Variants in TBX6 observed in about 807,000 individuals in gnomAD.
The protein encoded by TBX6 is T-box transcription factor TBX6.
Under a neutral mutation model 42.3 loss-of-function variants are expected in TBX6, and 29 were observed. The ratio of observed to expected loss-of-function variants is 0.69; its 90% CI spans 0.51 to 0.93. The LOEUF is 0.93. Among genes scored for constraint, TBX6 ranks in the 40% least tolerant of loss-of-function variants. The pLI, the probability that TBX6 is intolerant of heterozygous loss-of-function variation, is 0.00. For missense variants in TBX6, 569 were observed against 603.3 expected, an observed-to-expected ratio of 0.94 and a Z score of 0.59; for synonymous variants, 249 against 245.1, an observed-to-expected ratio of 1.02 and a Z score of -0.15.
At chr16:30,090,218 C>A (rs945291543) in intron 3 of TBX6, among the ~76,000 whole-genome samples, 5 of 152,176 alleles carry the variant, frequency 3.3e-5, no homozygotes, top group Non-Finnish European at 7.3e-5. Flanking sequence ...AAAAAATATA[C>A]CCTGCCTGCA....
rs560756058 is a variant in TBX6, at chr16:30,088,759, C to T, written c.702G>A (p.Gly234=). The change falls in exon 5 of 9, where the codon GGG becomes GGA. Residue 234 remains glycine (G), a synonymous_variant. Coordinates refer to ENST00000395224, the MANE Select transcript of TBX6 (RefSeq NM_004608.4). The surrounding 1 kb of genome is among the most constrained non-coding windows in gnomAD (Gnocchi z 4.1). ...CGGGGAAGCGGAAGGAGGCCATGCC[C>T]CCCCAGTGCTGGCTGCAGAGCTGGG... ...RAAQLCSQHW[G]GMASFRFPET... 1.2e-6 allele frequency: 2 copies of T among 1,613,920 alleles called. No individual in the cohort carries two copies. The highest frequency in any genetic ancestry group is 1.7e-6 in the Non-Finnish European group (2 of 1,179,954).
Position 30,088,097 on chromosome 16 carries a change from C to A in TBX6, c.839+448G>T. The A allele has an allele frequency of 9.0e-6, 2 of 223,182 alleles. No individual in the cohort carries two copies. The highest frequency in any genetic ancestry group is 1.8e-5 in the Non-Finnish European group (2 of 108,796). 13.8% of individuals were successfully genotyped at this position (223,182 alleles called of 1,614,324 possible). A position where few individuals can be genotyped will look rare whatever the true frequency, so the allele number is the denominator to read the frequency against. ...GGGATTACAGGCGTTTGCCACCATG[C>A]CTGGCTAATTTTTGTATTTTTAGCA... On this transcript the variant is annotated intron_variant, in intron 6 of 8. Transcript: ENST00000395224. This position sits in a 1 kb window ranked among gnomAD's most constrained non-coding sequence, Gnocchi z 4.1.
At position 30,086,916 on chromosome 16, in the gene TBX6, AC is replaced by A; in HGVS notation, c.840-66del. The A allele has an allele frequency of 6.4e-7, 1 of 1,557,930 alleles. No individual in the cohort carries two copies. The highest frequency in any genetic ancestry group is 2.3e-5 in the East Asian group (1 of 42,584). ...GGCCATGGTGATGGTAACAGTACTTACCCGGTGCCAGGCATTTCACCCTCCC... is the reference window on the plus strand; with the variant it reads ...GGCCATGGTGATGGTAACAGTACTTACCGGTGCCAGGCATTTCACCCTCCC... On this transcript the variant is annotated intron_variant, in intron 6 of 8. Transcript: ENST00000395224. This position sits in a 1 kb window ranked among gnomAD's most constrained non-coding sequence, Gnocchi z 4.6.
Position 30,085,972 on chromosome 16 carries a change from CCCCT to C in TBX6, c.*249_*252del. 1 of 502,344 alleles carries C rather than the reference CCCCT, an allele frequency of 2.0e-6. No homozygotes were observed. The highest frequency in any genetic ancestry group is 3.5e-6 in the Non-Finnish European group (1 of 284,626). 31.1% of individuals were successfully genotyped at this position (502,344 alleles called of 1,614,324 possible). A position where few individuals can be genotyped will look rare whatever the true frequency, so the allele number is the denominator to read the frequency against. ...TGTGGCCCCATTTGGCCAGGCAGAG[CCCCT>C]TCCATTCACACGGAGGTGAGAGCCG... On this transcript the variant is annotated 3_prime_UTR_variant, in exon 9 of 9. Coordinates refer to ENST00000395224, the MANE Select transcript of TBX6 (RefSeq NM_004608.4).
Position 30,088,912 on chromosome 16 carries a change from C to A in TBX6, c.621+31G>T. On this transcript the variant is annotated intron_variant, in intron 4 of 8. Coordinates refer to ENST00000395224, the MANE Select transcript of TBX6 (RefSeq NM_004608.4). The surrounding 1 kb of genome is among the most constrained non-coding windows in gnomAD (Gnocchi z 4.1). ...TGGCCTCCCTTCCAGCACCCCCCAA[C>A]CCTATCCTGGAGTCCCAGCCTGGGC... is the stretch of plus-strand genomic sequence containing the variant. 6.2e-7 allele frequency: 1 copy of A among 1,603,430 alleles called. No individual in the cohort carries two copies.
chr16:30,087,011 T>C (rs2072644926), intron 6 of TBX6, 160 bp from the exon 7 acceptor site: 1 of 784,236 alleles, frequency 1.3e-6, no homozygotes, highest in Non-Finnish European at 2.0e-6. Flanking sequence ...GGCCAGAAAA[T>C]TAAATAACTA....
In TBX6 at chr16:30,086,035, C is replaced by G; in HGVS notation, c.*190G>C. The G allele has an allele frequency of 1.7e-6, 1 of 578,416 alleles. No homozygotes were observed. Among genetic ancestry groups the G allele is most frequent in the Non-Finnish European group, 3.0e-6 (1 of 337,748 alleles). 35.8% of individuals were successfully genotyped at this position (578,416 alleles called of 1,614,324 possible). ...AAGCCGGCCCCAGCTGGACTCCCAG[C>G]AGCCTTGGTTAGGCTTTGAAGCCAG... On this transcript the variant is annotated 3_prime_UTR_variant, in exon 9 of 9. Transcript: ENST00000395224. This position sits in a 1 kb window ranked among gnomAD's most constrained non-coding sequence, Gnocchi z 4.6.
rs149724027 is a variant in TBX6, at chr16:30,089,156, G to A, written c.408C>T (p.Arg136=). Reference sequence around the variant, plus strand: ...GAATCACATCCAGAAGAAACAAGTAGCGGGCCTCGGGGTCCAGGCCAGTGA... The same window carrying A: ...GAATCACATCCAGAAGAAACAAGTAACGGGCCTCGGGGTCCAGGCCAGTGA... The part of the protein sequence containing the change: ...VSVTGLDPEA[R]YLFLLDVIPV... The change falls in exon 4 of 9, where the codon CGC becomes CGT. Residue 136 remains arginine (R), a synonymous_variant. Transcript: ENST00000395224. The A allele has an allele frequency of 1.4e-3, 2,249 of 1,614,090 alleles. 3 individuals are homozygous for A. Among genetic ancestry groups the A allele is most frequent in the Non-Finnish European group, 1.8e-3 (2,134 of 1,180,020 alleles).
In TBX6 at chr16:30,086,644, G is replaced by A. The variant is rs768450306; in HGVS notation, c.965C>T (p.Ser322Leu). The change falls in exon 8 of 9, where the codon TCA (serine) becomes TTA (leucine). Residue 322 changes from serine to leucine, a missense_variant. Transcript: ENST00000395224. The surrounding 1 kb of genome is among the most constrained non-coding windows in gnomAD (Gnocchi z 4.6). Reference sequence around the variant, plus strand: ...GGGGGCTGGGGCCTGTTCTGGATCTGATTCACGAATGTCTCCACCCAGGGT... The same window carrying A: ...GGGGGCTGGGGCCTGTTCTGGATCTAATTCACGAATGTCTCCACCCAGGGT... Reference protein sequence around the residue: ...DSTLGGDIRESDPEQAPAPGE... With the variant: ...DSTLGGDIRELDPEQAPAPGE... 1.9e-6 allele frequency: 3 copies of A among 1,608,470 alleles called. No homozygotes were observed. The highest frequency in any genetic ancestry group is 2.5e-6 in the Non-Finnish European group (3 of 1,178,024).
At position 30,085,878 on chromosome 16, in the gene TBX6, T is replaced by A. The variant is rs924388139; in HGVS notation, c.*347A>T. ...CAGACTGGTGTGGCCTGCACCAGTG[T>A]GTGTGGGGGGGTGGGGATTGAGCCC... On this transcript the variant is annotated 3_prime_UTR_variant, in exon 9 of 9. Coordinates refer to ENST00000395224, the MANE Select transcript of TBX6 (RefSeq NM_004608.4). 2 of 321,358 alleles carry A rather than the reference T, an allele frequency of 6.2e-6. No homozygotes were observed. Among genetic ancestry groups the A allele is most frequent in the Non-Finnish European group, 1.2e-5 (2 of 173,128 alleles). The allele number at this position is 321,358 out of a possible 1,614,324, so 19.9% of individuals were successfully genotyped here.
At position 30,088,530 on chromosome 16, in the gene TBX6, A is replaced by G. The variant is rs774695435; in HGVS notation, c.839+15T>C. 9 of 1,614,124 alleles carry G rather than the reference A, an allele frequency of 5.6e-6. No homozygotes were observed. The highest frequency in any genetic ancestry group is 6.8e-6 in the Non-Finnish European group (8 of 1,180,052). On this transcript the variant is annotated intron_variant, in intron 6 of 8. Transcript: ENST00000395224. This position sits in a 1 kb window ranked among gnomAD's most constrained non-coding sequence, Gnocchi z 4.1. ...ATTTGTTGAATGCATGAACAAATGA[A>G]TGAACAACTCCCACCTCTTACAGTT...
In TBX6 at chr16:30,088,637, C is replaced by G. The variant is rs1331221797; in HGVS notation, c.769-22G>C. 10 of 1,614,002 alleles carry G rather than the reference C, an allele frequency of 6.2e-6. No homozygotes were observed. The highest frequency in any genetic ancestry group is 4.2e-6 in the Non-Finnish European group (5 of 1,180,044). ...TGATCTGGGGACACACATGCAGGGT[C>G]AAAGCAACTGCGGTCTGGGCAGGGG... is the stretch of plus-strand genomic sequence containing the variant. On this transcript the variant is annotated intron_variant, in intron 5 of 8. Transcript: ENST00000395224. The surrounding 1 kb of genome is among the most constrained non-coding windows in gnomAD (Gnocchi z 4.1).
Position 30,086,363 on chromosome 16 carries a change from G to T in TBX6, c.1173C>A (p.His391Gln), listed in dbSNP as rs763017972. The change falls in exon 9 of 9, where the codon CAC (histidine) becomes CAA (glutamine). Residue 391 changes from histidine (H) to glutamine (Q), a missense_variant. His to Gln is a conservative substitution (Grantham distance 24). This residue lies in a region of TBX6 where 245 missense variants were observed against 227.4 expected (regional missense o/e 1.08). Coordinates refer to ENST00000395224, the MANE Select transcript of TBX6 (RefSeq NM_004608.4). The surrounding 1 kb of genome is among the most constrained non-coding windows in gnomAD (Gnocchi z 4.6). ...PYSAAFLELPHGSGGSGYPAA... is the reference protein window; with the variant it reads ...PYSAAFLELPQGSGGSGYPAA... ...CTGGGTACCCGGAGCCCCCTGACCCGTGCGGCAGCTCCAGAAATGCAGCCG... is the reference window on the plus strand; with the variant it reads ...CTGGGTACCCGGAGCCCCCTGACCCTTGCGGCAGCTCCAGAAATGCAGCCG... 5.1e-6 allele frequency: 8 copies of T among 1,580,298 alleles called. 1 individual carries two copies. The South Asian group carries it at 9.3e-5, about 18-fold the overall frequency.
Position 30,086,685 on chromosome 16 carries a change from A to G in TBX6, c.924T>C (p.Gly308=). Residue 308 remains glycine (G), a synonymous_variant, in exon 8 of 9, where the codon GGT becomes GGC. Coordinates refer to ENST00000395224, the MANE Select transcript of TBX6 (RefSeq NM_004608.4). This position sits in a 1 kb window ranked among gnomAD's most constrained non-coding sequence, Gnocchi z 4.6. Reference sequence around the variant, plus strand: ...CACCCAGGGTGGAGTCGCAGGGACCACCTGGTGTGTCTGGGGAGAGGGAAG... The same window carrying G: ...CACCCAGGGTGGAGTCGCAGGGACCGCCTGGTGTGTCTGGGGAGAGGGAAG... The part of the protein sequence containing the change: ...TEAYGSGDTP[G]GPCDSTLGGD... 1 of 1,612,164 alleles carries G rather than the reference A, an allele frequency of 6.2e-7. No homozygotes were observed. Among genetic ancestry groups the G allele is most frequent in the South Asian group, 1.1e-5 (1 of 90,952 alleles).
Position 30,088,631 on chromosome 16 carries a change from C to T in TBX6, c.769-16G>A, listed in dbSNP as rs754695316. 1.9e-6 allele frequency: 3 copies of T among 1,614,160 alleles called. No individual in the cohort carries two copies. Among genetic ancestry groups the T allele is most frequent in the Admixed American group, 3.3e-5 (2 of 60,030 alleles). On this transcript the variant is annotated splice_polypyrimidine_tract_variant and intron_variant, in intron 5 of 8. Coordinates refer to ENST00000395224, the MANE Select transcript of TBX6 (RefSeq NM_004608.4). The surrounding 1 kb of genome is among the most constrained non-coding windows in gnomAD (Gnocchi z 4.1). Reference sequence around the variant, plus strand: ...GTTGTGTGATCTGGGGACACACATGCAGGGTCAAAGCAACTGCGGTCTGGG... The same window carrying T: ...GTTGTGTGATCTGGGGACACACATGTAGGGTCAAAGCAACTGCGGTCTGGG...
rs555486285 is a variant in TBX6 at position 30,086,519 on chromosome 16, G to C, written c.1090C>G (p.Pro364Ala). The C allele has an allele frequency of 6.6e-7, 1 of 1,507,868 alleles. No individual in the cohort carries two copies. Among genetic ancestry groups the C allele is most frequent in the Admixed American group, 2.5e-5 (1 of 39,332 alleles). The allele number at this position is 1,507,868 out of a possible 1,614,324, so 93.4% of individuals were successfully genotyped here. ...AAFHGAPSHLPTRSPSFPEAP... is the reference protein window; with the variant it reads ...AAFHGAPSHLATRSPSFPEAP... ...GTCCCCTGTCCCACTCACCTGGTGGGAAGGTGACTGGGGGCCCCATGGAAA... is the reference window on the plus strand; with the variant it reads ...GTCCCCTGTCCCACTCACCTGGTGGCAAGGTGACTGGGGGCCCCATGGAAA... The change falls in exon 8 of 9, where the codon CCC becomes GCC. Residue 364 changes from proline to alanine, a missense_variant. Physicochemically the swap from Pro to Ala is conservative, Grantham distance 27. Coordinates refer to ENST00000395224, the MANE Select transcript of TBX6 (RefSeq NM_004608.4). The surrounding 1 kb of genome is among the most constrained non-coding windows in gnomAD (Gnocchi z 4.6).
In TBX6 at chr16:30,086,598, C is replaced by CG; in HGVS notation, c.1010dup (p.Ala338GlyfsTer10). On this transcript the variant is annotated frameshift_variant, in exon 8 of 9. Coordinates refer to ENST00000395224, the MANE Select transcript of TBX6 (RefSeq NM_004608.4). LOFTEE classifies it high-confidence loss of function. This position sits in a 1 kb window ranked among gnomAD's most constrained non-coding sequence, Gnocchi z 4.6. The stretch of plus-strand genomic sequence containing the variant: ...CACTGGGGCCACCACACAGAGGTGC[C>CG]GGGGCAGCGGTGGCTTCCCCGGGGG... 1 of 1,577,084 alleles carries CG rather than the reference C, an allele frequency of 6.3e-7. No individual in the cohort carries two copies. Among genetic ancestry groups the CG allele is most frequent in the Non-Finnish European group, 8.6e-7 (1 of 1,165,634 alleles).
rs2072660179 is a variant in TBX6, at chr16:30,087,882, C to T, written c.839+663G>A. 9.4e-5 allele frequency: 14 copies of T among 148,552 alleles called. No homozygotes were observed. In the South Asian group the frequency reaches 2.9e-3, roughly 31 times the overall value. The allele number at this position is 148,552 out of a possible 1,614,324, so 9.2% of individuals were successfully genotyped here. On this transcript the variant is annotated intron_variant, in intron 6 of 8. Transcript: ENST00000395224. ...TCTTTTCCTGGTTTATTTCTCTTCT[C>T]CTTTTTCTTTTTTTTCTTTTTTTTT...
intron 6 of TBX6, chr16:30,087,900 T>TC (rs1295414136): frequency 7.4e-6 from 1 of 134,458 alleles, no homozygotes; most frequent in Non-Finnish European, 1.5e-5. Context: ...TTTTTTTTCT[T>TC]TTTTTTTTTT....
Sources: gnomAD v4.1 joint callset for allele counts (sites outside exome capture counted in the v4.1 genomes callset) on GRCh38, gnomAD v4.1.1 for gene constraint, gnomAD v4.1.1 regional missense constraint, Gnocchi (gnomAD v3.1) non-coding constraint, MANE v1.5 for transcripts, NCBI Gene and HGNC (gene_info 2026-07-23, HGNC 2026-07-21) for gene names.